The following DDX3Y variants were observed in gnomAD, a reference collection of about 807,000 sequenced individuals.
DDX3Y encodes the protein DEAD-box helicase 3 Y-linked.
In DDX3Y, 2 loss-of-function variants were observed where a neutral mutation model predicts 15.1. The ratio of observed to expected loss-of-function variants is 0.13; its 90% confidence interval spans 0.05 to 0.42. The LOEUF is 0.42. Among genes scored for constraint, DDX3Y ranks in the 10% least tolerant of loss-of-function variants. The pLI is 0.99. For synonymous variants in DDX3Y, 47 were observed against 45.0 expected, an observed-to-expected ratio of 1.04 and a Z score of -0.18; for missense variants, 81 against 149.9, an observed-to-expected ratio of 0.54 and a Z score of 2.40.
At position 12,920,159 on chromosome Y, in the gene DDX3Y, A is replaced by G. The variant is rs2053662296; in HGVS notation, c.*2037A>G. On this transcript the variant is annotated 3_prime_UTR_variant, in exon 17 of 17. Coordinates refer to ENST00000336079, the MANE Select transcript of DDX3Y (RefSeq NM_004660.5). ...ACTTGTCTTAAGATATTAATGAAAC[A>G]CTTCTGAACACTGATAGGAAGTGTC... The G allele has an allele frequency of 3.0e-5, 1 of 33,658 alleles. No homozygotes were observed. Among genetic ancestry groups the G allele is most frequent in the African/African-American group, 1.2e-4 (1 of 8,607 alleles). The allele number at this position is 33,658 out of a possible 400,897, so 8.4% of individuals were successfully genotyped here. A position where few individuals can be genotyped will look rare whatever the true frequency, so the allele number is the denominator to read the frequency against.
At chrY:12,906,593 A>G (rs565771897) in intron 1 of DDX3Y, among the ~76,000 whole-genome samples, 43 of 33,624 alleles carry the variant, frequency 1.3e-3, no homozygotes, top group African/African-American at 4.7e-3. Flanking sequence ...GATTCATGTA[A>G]TGTGATAGTA....
chrY:12,916,939 A>G lies in DDX3Y; in HGVS notation c.1642A>G (p.Met548Val). ...CACCTCATTCTTTAATGAAAAAAAT[A>G]TGAATATTACAAAGGATTTGTTGGA... ...LATSFFNEKN[M>V]NITKDLLDLL... is the part of the protein sequence containing the mutation. The change falls in exon 15 of 17, where the codon ATG (methionine) becomes GTG (valine). Residue 548 changes from methionine (M) to valine (V), a missense_variant. Coordinates refer to ENST00000336079, the MANE Select transcript of DDX3Y (RefSeq NM_004660.5). 1 of 395,752 alleles carries G rather than the reference A, an allele frequency of 2.5e-6. No homozygotes were observed. Among genetic ancestry groups the G allele is most frequent in the Non-Finnish European group, 3.6e-6 (1 of 281,357 alleles).
At chrY:12,913,663 A>C in intron 6 of DDX3Y, 55 bp from the exon 7 acceptor site, 1 of 359,274 alleles carries the variant, frequency 2.8e-6, no homozygotes, top group East Asian at 9.5e-5. Flanking sequence ...TATATCTGCT[A>C]TGTTTACTTC....
intron 2 of DDX3Y, among the ~76,000 whole-genome samples, chrY:12,908,617 C>T: frequency 5.8e-5 from 2 of 34,247 alleles, no homozygotes; most frequent in African/African-American, 2.3e-4. Context: ...GATTTGTTTT[C>T]CAGATCATTT....
At chrY:12,906,034 T>A in intron 1 of DDX3Y, among the ~76,000 whole-genome samples, 2 of 33,464 alleles carry the variant, frequency 6.0e-5, no homozygotes, top group Non-Finnish European at 1.5e-4. Flanking sequence ...GATATAGGTT[T>A]AACTGTGTTT....
intron 15 of DDX3Y, 143 bp from the exon 16 acceptor site, chrY:12,917,260 T>G: frequency 7.8e-6 from 2 of 256,238 alleles, no homozygotes; most frequent in Non-Finnish European, 1.2e-5. Context: ...TAGAACACAT[T>G]GGGACATTAA....
At chrY:12,913,268 G>T in intron 6 of DDX3Y, among the ~76,000 whole-genome samples, 1 of 33,502 alleles carries the variant, frequency 3.0e-5, no homozygotes, top group Non-Finnish European at 7.4e-5. Context: ...TGAGCTCACT[G>T]CATCCTCCTT....
intron 2 of DDX3Y, among the ~76,000 whole-genome samples, chrY:12,908,537 T>TAAA (rs2053618178): frequency 5.8e-5 from 2 of 34,421 alleles, no homozygotes; most frequent in Admixed American, 2.6e-4. Context: ...GGTAGTTAAG[T>TAAA]ACTGTCTACT....
chrY:12,904,929 C>T lies in DDX3Y; in HGVS notation c.-8C>T. 1.0e-5 allele frequency: 4 copies of T among 399,026 alleles called. No individual in the cohort carries two copies. The highest frequency in any genetic ancestry group is 1.4e-5 in the Non-Finnish European group (4 of 283,455). ...GTGGACTACCCGATTTTTCGCTTCT[C>T]TTCAGGGATGAGTCATGTGGTGGTG... On this transcript the variant is annotated 5_prime_UTR_variant, in exon 1 of 17. Coordinates refer to ENST00000336079, the MANE Select transcript of DDX3Y (RefSeq NM_004660.5).
upstream of DDX3Y, chrY:12,904,214 GT>G (rs2053604733): frequency 3.0e-5 from 1 of 33,628 alleles, no homozygotes; most frequent in Non-Finnish European, 7.4e-5. Flanking sequence ...CTTTCCTCAG[GT>G]GCAGTCAGGT....
chrY:12,916,696 G>T (rs2053649147), intron 14 of DDX3Y, 62 bp downstream of exon 14: 2 of 279,698 alleles, frequency 7.2e-6, no homozygotes, highest in Admixed American at 9.3e-5. Context: ...ATTTGACACA[G>T]AATCTTAAAA....
chrY:12,905,643 C>T, intron 1 of DDX3Y: 1 of 196,648 alleles, frequency 5.1e-6, no homozygotes, highest in Admixed American at 1.3e-4. Flanking sequence ...CACGGAGCAA[C>T]CGTTGCCCGG....
chrY:12,916,150 A>G, intron 12 of DDX3Y, 111 bp from the exon 13 acceptor site: 8 of 334,452 alleles, frequency 2.4e-5, no homozygotes, highest in Admixed American at 1.6e-4. Flanking sequence ...CTCTGTTTGC[A>G]TGCATCCAAG....
chrY:12,912,469 A>G (rs2053631820), intron 4 of DDX3Y, among the ~76,000 whole-genome samples: 1 of 33,872 alleles, frequency 3.0e-5, no homozygotes, highest in Non-Finnish European at 7.3e-5. Context: ...CTAAAAACCT[A>G]ATTCTTAGCA....
intron 14 of DDX3Y, 102 bp from the exon 15 acceptor site, chrY:12,916,805 C>T: frequency 4.1e-6 from 1 of 244,466 alleles, no homozygotes; most frequent in Non-Finnish European, 6.3e-6. Context: ...TTACAAATTA[C>T]AATGTCGTAT....
At chrY:12,908,721 C>T (rs2053618840) in intron 2 of DDX3Y, among the ~76,000 whole-genome samples, 1 of 33,725 alleles carries the variant, frequency 3.0e-5, no homozygotes, top group Non-Finnish European at 7.4e-5. Flanking sequence ...CTCGCTCTGT[C>T]GCCCAGGCTG....
Position 12,919,473 on chromosome Y carries a change from A to G in DDX3Y, c.*1351A>G, listed in dbSNP as rs2032592. 2.4e-4 allele frequency: 8 copies of G among 34,040 alleles called. No individual in the cohort carries two copies. The South Asian group carries it at 5.0e-3, about 21-fold the overall frequency. 8.5% of individuals were successfully genotyped at this position (34,040 alleles called of 400,897 possible). On this transcript the variant is annotated 3_prime_UTR_variant, in exon 17 of 17. Transcript: ENST00000336079. The stretch of plus-strand genomic sequence containing the variant: ...CTTTTCAATGGCATAAGAAGTTGAC[A>G]AAAATTTCTTAAAGTGCAATAGATT...
chrY:12,920,246 TTGTC>T lies in DDX3Y; in HGVS notation c.*2127_*2130del. 1 of 33,868 alleles carries T rather than the reference TTGTC, an allele frequency of 3.0e-5. No individual in the cohort carries two copies. Among genetic ancestry groups the T allele is most frequent in the East Asian group, 7.6e-4 (1 of 1,312 alleles). The allele number at this position is 33,868 out of a possible 400,897, so 8.4% of individuals were successfully genotyped here. On this transcript the variant is annotated 3_prime_UTR_variant, in exon 17 of 17. Transcript: ENST00000336079. Reference sequence around the variant, plus strand: ...TTTTGTTGTGTTTGATTTTCAGTGATTGTCTGGTATATTTACAGTCCTCAAACAT... The same window carrying T: ...TTTTGTTGTGTTTGATTTTCAGTGATTGGTATATTTACAGTCCTCAAACAT...
rs2053657312 is a variant in DDX3Y, at chrY:12,918,368, G to A, written c.*246G>A. 1 of 69,467 alleles carries A rather than the reference G, an allele frequency of 1.4e-5. No individual in the cohort carries two copies. Among genetic ancestry groups the A allele is most frequent in the African/African-American group, 1.0e-4 (1 of 9,653 alleles). The allele number at this position is 69,467 out of a possible 400,897, so 17.3% of individuals were successfully genotyped here. On this transcript the variant is annotated 3_prime_UTR_variant, in exon 17 of 17. Transcript: ENST00000336079. ...ATTAAACTCTTCCCCTCCTGCTTTA[G>A]TGCCACCCCAAACTGCATTTATAAT... is the stretch of plus-strand genomic sequence containing the variant.
Sources: allele counts gnomAD v4.1 joint callset (sites outside exome capture counted in the v4.1 genomes callset), GRCh38; gene constraint gnomAD v4.1.1; transcripts MANE v1.5; gene names NCBI Gene and HGNC (gene_info 2026-07-23, HGNC 2026-07-21).